TMEM117: variants seen among roughly 807,000 people sequenced by gnomAD.
TMEM117 encodes the protein transmembrane protein 117.
TMEM117 carries 27 observed loss-of-function variants against 52.4 expected under a neutral mutation model. The ratio of observed to expected loss-of-function variants is 0.51; its 90% confidence interval spans 0.38 to 0.71. The LOEUF (loss-of-function observed/expected upper bound fraction) is 0.71, where lower values mean the gene tolerates loss of function less well. Ranked by LOEUF, TMEM117 falls within the 30% of genes least tolerant of loss-of-function variation. The probability of loss-of-function intolerance (pLI) is 0.00; values close to 1 mark genes in which losing one functional copy is unlikely to be tolerated. For synonymous variants in TMEM117, 215 were observed against 206.3 expected (o/e 1.04, Z -0.36); for missense variants, 556 against 630.5 (o/e 0.88, Z 1.26).
At chr12:44,153,492 G>T (rs1948784477) in intron 4 of TMEM117, among the ~76,000 whole-genome samples, 1 of 151,868 alleles carries the variant, frequency 6.6e-6, no homozygotes, top group South Asian at 2.1e-4. Context: ...GGCACGAAAT[G>T]ATATAACCAT....
At chr12:43,901,355 G>C (rs1944301609) in intron 2 of TMEM117, among the ~76,000 whole-genome samples, 3 of 152,096 alleles carry the variant, frequency 2.0e-5, no homozygotes, top group Non-Finnish European at 4.4e-5. Flanking sequence ...CTGTTGCCCA[G>C]GCTGGAGTGC....
intron 1 of TMEM117, among the ~76,000 whole-genome samples, chr12:43,837,471 T>A (rs1375374000): frequency 6.6e-6 from 1 of 152,004 alleles, no homozygotes; most frequent in Non-Finnish European, 1.5e-5. Flanking sequence ...CTCGGCCTCC[T>A]GAGTAGCTGG....
chr12:43,813,231 G>GCTTTTTTTTTTTTTTT, the TMEM117 span, among the ~76,000 whole-genome samples: 37 of 62,662 alleles, frequency 5.9e-4, 1 homozygote, highest in African/African-American at 2.0e-3. Context: ...GTTTTCTCTT[G>GCTTTTTTTTTTTTTTT]TTTTTTTTTT....
At position 44,341,091 on chromosome 12, in the gene TMEM117, T is replaced by C. The variant is rs538942576; in HGVS notation, c.769-35504T>C. Among the ~76,000 whole-genome samples the C allele has an allele frequency of 1.1e-4, 17 of 152,024 alleles. 1 individual carries two copies. In the East Asian group the frequency reaches 1.4e-3, roughly 12 times the overall value. On this transcript the variant is annotated intron_variant, in intron 6 of 7. Transcript: ENST00000266534. ...CACAGCTCTTTGCACTCTGGACCTA[T>C]TGGGCTCAAGCAATCCTCTTACCTC... is the stretch of plus-strand genomic sequence containing the variant.
At chr12:43,948,345 G>T (rs543574849) in intron 3 of TMEM117, among the ~76,000 whole-genome samples, 22 of 150,418 alleles carry the variant, frequency 1.5e-4, no homozygotes, top group African/African-American at 5.4e-4. Context: ...TCACTCTGTC[G>T]CCCAGGCTGG....
intron 3 of TMEM117, among the ~76,000 whole-genome samples, chr12:44,034,404 G>C (rs1430399150): frequency 6.6e-6 from 1 of 152,022 alleles, no homozygotes; most frequent in Non-Finnish European, 1.5e-5. Context: ...GTATAGCATT[G>C]GTATTAGATA....
intron 2 of TMEM117, among the ~76,000 whole-genome samples, chr12:43,897,556 G>A (rs1474527252): frequency 1.3e-5 from 2 of 151,278 alleles, no homozygotes; most frequent in African/African-American, 2.4e-5. Flanking sequence ...CTCGTGATCC[G>A]CCCGCCTCAG....
At chr12:43,820,028 A>G in the TMEM117 span, among the ~76,000 whole-genome samples, 3 of 152,210 alleles carry the variant, frequency 2.0e-5, no homozygotes, top group Admixed American at 6.5e-5. Context: ...AAAAGAAAAC[A>G]TTATTATCCA....
intron 3 of TMEM117, among the ~76,000 whole-genome samples, chr12:44,024,662 G>T (rs116963141): frequency 1.3e-5 from 2 of 151,776 alleles, no homozygotes; most frequent in African/African-American, 4.8e-5. Context: ...TAGGAAAACA[G>T]CAAATGGAAA....
rs202138831 is a variant in TMEM117 at position 44,193,985 on chromosome 12, AC to A, written c.511-17302del. ...CAGTAAATACAACTAGCAGAATCAG[AC>A]CCACAAAGATTTTAATTATTAGAAT... On this transcript the variant is annotated intron_variant, in intron 4 of 7. Coordinates refer to ENST00000266534, the MANE Select transcript of TMEM117 (RefSeq NM_032256.3). Among the ~76,000 whole-genome samples, 1,220 of 152,338 alleles carry A rather than the reference AC, an allele frequency of 8.0e-3. 22 individuals are homozygous for A. Among genetic ancestry groups the A allele is most frequent in the African/African-American group, 0.027 (1,135 of 41,566 alleles).
chr12:44,104,610 A>G (rs1038009744), intron 3 of TMEM117, among the ~76,000 whole-genome samples: 16 of 152,022 alleles, frequency 1.1e-4, no homozygotes, highest in Non-Finnish European at 1.8e-4. Context: ...TCTGACCTAT[A>G]TACTTTTTCT....
intron 2 of TMEM117, among the ~76,000 whole-genome samples, chr12:43,859,178 G>C (rs1943446698): frequency 6.6e-6 from 1 of 152,208 alleles, no homozygotes; most frequent in African/African-American, 2.4e-5. Flanking sequence ...TGCATTTCCT[G>C]TGTGTGAACC....
At chr12:44,106,932 C>G (rs1804680256) in intron 3 of TMEM117, among the ~76,000 whole-genome samples, 1 of 151,744 alleles carries the variant, frequency 6.6e-6, no homozygotes, top group Non-Finnish European at 1.5e-5. Context: ...TTTTTAATCT[C>G]TTTTCTGTTT....
At chr12:44,260,354 G>A (rs182539431) in intron 5 of TMEM117, among the ~76,000 whole-genome samples, 4 of 152,070 alleles carry the variant, frequency 2.6e-5, no homozygotes, top group Admixed American at 6.5e-5. Context: ...ATGCTGCCTC[G>A]GCCATCAGGT....
chr12:44,035,964 T>C (rs1386695529), intron 3 of TMEM117, among the ~76,000 whole-genome samples: 1 of 152,204 alleles, frequency 6.6e-6, no homozygotes, highest in African/African-American at 2.4e-5. Flanking sequence ...TTTTATGACA[T>C]GATAGAAGGA....
At chr12:43,817,095 A>G in the TMEM117 span, among the ~76,000 whole-genome samples, 1 of 152,210 alleles carries the variant, frequency 6.6e-6, no homozygotes, top group Non-Finnish European at 1.5e-5. Flanking sequence ...TGGTTTTAAT[A>G]TGCTCTTCTT....
chr12:44,050,839 A>G (rs1324513409), intron 3 of TMEM117, among the ~76,000 whole-genome samples: 1 of 152,232 alleles, frequency 6.6e-6, no homozygotes, highest in Non-Finnish European at 1.5e-5. Flanking sequence ...ATCAGTAAAG[A>G]CTGAAGATTT....
intron 4 of TMEM117, among the ~76,000 whole-genome samples, chr12:44,149,815 A>G (rs1376278106): frequency 6.6e-6 from 1 of 152,242 alleles, no homozygotes; most frequent in African/African-American, 2.4e-5. Context: ...AAAATGACAG[A>G]ATAAGAAGCA....
chr12:43,812,754 G>A, the TMEM117 span, among the ~76,000 whole-genome samples: 3 of 151,578 alleles, frequency 2.0e-5, no homozygotes, highest in South Asian at 6.3e-4. Flanking sequence ...GCCTGTAATC[G>A]CAGGACTTTT....
Sources: allele counts gnomAD v4.1 joint callset (sites outside exome capture counted in the v4.1 genomes callset), GRCh38; gene constraint gnomAD v4.1.1; transcripts MANE v1.5; gene names NCBI Gene and HGNC (gene_info 2026-07-23, HGNC 2026-07-21).